GAS2: variants seen among roughly 807,000 people sequenced by gnomAD.
The protein encoded by GAS2 is growth arrest-specific protein 2.
A neutral mutation model predicts 37.5 loss-of-function variants in GAS2; 20 were observed. That is an observed-to-expected ratio of 0.53 (90% confidence interval 0.37 to 0.77). The LOEUF (loss-of-function observed/expected upper bound fraction) is 0.77, where lower values mean the gene tolerates loss of function less well. Ranked by LOEUF, GAS2 falls within the 30% of genes least tolerant of loss-of-function variation. The probability of loss-of-function intolerance (pLI) is 0.00; values close to 1 mark genes in which losing one functional copy is unlikely to be tolerated. For synonymous variants in GAS2, 144 were observed against 132.2 expected, an observed-to-expected ratio of 1.09 and a Z score of -0.61; for missense variants, 336 against 373.4, an observed-to-expected ratio of 0.90 and a Z score of 0.82.
At position 22,749,165 on chromosome 11, in the gene GAS2, T is replaced by C. The variant is rs531696534; in HGVS notation, c.519T>C (p.Ile173=). 22 of 1,612,646 alleles carry C rather than the reference T, an allele frequency of 1.4e-5. No individual in the cohort carries two copies. Among genetic ancestry groups the C allele is most frequent in the Non-Finnish European group, 1.4e-5 (17 of 1,179,212 alleles). Residue 173 remains isoleucine (I), a synonymous_variant, in exon 6 of 8, where the codon ATT becomes ATC. Coordinates refer to ENST00000454584, the MANE Select transcript of GAS2 (RefSeq NM_001143830.3). ...PPGLIKLEKE[I]EQEETLSAPS... ...GTTTGATAAAGCTGGAAAAAGAGAT[T>C]GAACAAGAAGAAACACTTTCTGCCC...
chr11:22,636,646 T>C (rs1396445669), intron 1 of GAS2, among the ~76,000 whole-genome samples: 1 of 152,128 alleles, frequency 6.6e-6, no homozygotes, highest in African/African-American at 2.4e-5. Context: ...AATATCCATA[T>C]GAATTAATGT....
chr11:22,667,887 A>G (rs180760043), intron 1 of GAS2, among the ~76,000 whole-genome samples: 22 of 152,282 alleles, frequency 1.4e-4, no homozygotes, highest in Admixed American at 1.3e-3. Flanking sequence ...ATCTTCTTAC[A>G]GTGAAGAGTT....
At chr11:22,634,794 G>C (rs1858799535) in intron 1 of GAS2, among the ~76,000 whole-genome samples, 1 of 152,164 alleles carries the variant, frequency 6.6e-6, no homozygotes, top group African/African-American at 2.4e-5. Flanking sequence ...TGGCAGGGGA[G>C]TGATGTAGAC....
chr11:22,774,331 T>C (rs1230502410), intron 7 of GAS2, among the ~76,000 whole-genome samples: 1 of 152,218 alleles, frequency 6.6e-6, no homozygotes, highest in Non-Finnish European at 1.5e-5. Flanking sequence ...TCCAAATTTA[T>C]TTATTCTGTT....
At chr11:22,733,973 G>A (rs9633816) in intron 4 of GAS2, among the ~76,000 whole-genome samples, 55,287 of 151,228 alleles carry the variant, frequency 0.37, 10,240 homozygotes, top group East Asian at 0.62. Context: ...GTCTCCTACT[G>A]TAAGTTTTAA....
chr11:22,726,456 T>C, intron 4 of GAS2, 23 bp downstream of exon 4: 1 of 1,594,796 alleles, frequency 6.3e-7, no homozygotes, highest in Non-Finnish European at 8.6e-7. Context: ...TTCAGAATTT[T>C]AGTTGATAAG....
At chr11:22,636,822 T>C (rs961356545) in intron 1 of GAS2, among the ~76,000 whole-genome samples, 2 of 149,582 alleles carry the variant, frequency 1.3e-5, no homozygotes, top group African/African-American at 2.4e-5. Flanking sequence ...TATAAAGATA[T>C]AGGTATATAT....
intron 3 of GAS2, among the ~76,000 whole-genome samples, chr11:22,688,693 A>G (rs1337039549): frequency 3.3e-5 from 5 of 152,308 alleles, no homozygotes; most frequent in African/African-American, 1.2e-4. Flanking sequence ...TAGTTCCGTG[A>G]ACCTGAGCAA....
chr11:22,709,571 G>T (rs1851294931), intron 3 of GAS2, among the ~76,000 whole-genome samples: 1 of 152,078 alleles, frequency 6.6e-6, no homozygotes, highest in Non-Finnish European at 1.5e-5. Context: ...GAAGTTAGCA[G>T]CAAAGTTCAA....
Position 22,755,942 on chromosome 11 carries a change from C to A in GAS2, c.712C>A (p.Leu238Ile), listed in dbSNP as rs1391344939. The A allele has an allele frequency of 6.2e-7, 1 of 1,607,686 alleles. No individual in the cohort carries two copies. The highest frequency in any genetic ancestry group is 2.2e-5 in the East Asian group (1 of 44,806). Reference protein sequence around the residue: ...QGRYRVGEKILFIRMLHNKHV... With the variant: ...QGRYRVGEKIIFIRMLHNKHV... ...AAGATACCGAGTGGGAGAAAAGATC[C>A]TCTTCATTAGGGTAAAGTTTTACTT... The change falls in exon 7 of 8, where the codon CTC becomes ATC. Residue 238 changes from leucine to isoleucine, a missense_variant. Physicochemically the swap from Leu to Ile is conservative, Grantham distance 5. Transcript: ENST00000454584.
intron 3 of GAS2, among the ~76,000 whole-genome samples, chr11:22,689,008 C>T (rs1178496961): frequency 6.6e-6 from 1 of 152,070 alleles, no homozygotes; most frequent in Non-Finnish European, 1.5e-5. Flanking sequence ...CAGCTGAAGG[C>T]CATTATCTTA....
chr11:22,749,883 G>A (rs1853637040), intron 6 of GAS2, among the ~76,000 whole-genome samples: 1 of 152,026 alleles, frequency 6.6e-6, no homozygotes, highest in Non-Finnish European at 1.5e-5. Context: ...ACCGTTTTTA[G>A]GTATAACAGC....
chr11:22,652,239 AG>A (rs1456249240), intron 1 of GAS2, among the ~76,000 whole-genome samples: 6 of 152,186 alleles, frequency 3.9e-5, no homozygotes, highest in Admixed American at 6.5e-5. Flanking sequence ...CTCGGGGGTC[AG>A]GGGGTCAGGG....
At chr11:22,648,676 C>G (rs1848733748) in intron 1 of GAS2, among the ~76,000 whole-genome samples, 1 of 152,130 alleles carries the variant, frequency 6.6e-6, no homozygotes, top group South Asian at 2.1e-4. Context: ...ATTTTATTCT[C>G]TTTGAAGCAA....
At chr11:22,711,926 T>C (rs957833318) in intron 3 of GAS2, among the ~76,000 whole-genome samples, 13 of 152,136 alleles carry the variant, frequency 8.5e-5, no homozygotes, top group African/African-American at 3.1e-4. Context: ...CCCACCTTGG[T>C]AACCAAAGAC....
intron 7 of GAS2, among the ~76,000 whole-genome samples, chr11:22,790,238 A>G (rs1457538727): frequency 6.6e-6 from 1 of 152,166 alleles, no homozygotes; most frequent in Admixed American, 6.5e-5. Flanking sequence ...CCCCTGGTGC[A>G]GTCAACCCTC....
chr11:22,708,154 CAATA>C (rs1275021522), intron 3 of GAS2, among the ~76,000 whole-genome samples: 1 of 152,026 alleles, frequency 6.6e-6, no homozygotes, highest in Non-Finnish European at 1.5e-5. Context: ...CAATTTGAGA[CAATA>C]TGATGATTAG....
intron 7 of GAS2, among the ~76,000 whole-genome samples, chr11:22,810,002 TA>T (rs1470130081): frequency 2.0e-5 from 3 of 152,202 alleles, no homozygotes; most frequent in Non-Finnish European, 4.4e-5. Flanking sequence ...AGATGTGTTC[TA>T]AGGTCCTTTT....
At chr11:22,718,792 G>A (rs746545686) in intron 3 of GAS2, among the ~76,000 whole-genome samples, 1 of 151,808 alleles carries the variant, frequency 6.6e-6, no homozygotes, top group Non-Finnish European at 1.5e-5. Context: ...TAGATTTTTG[G>A]AGGTTTTAAG....
Sources: allele counts gnomAD v4.1 joint callset (sites outside exome capture counted in the v4.1 genomes callset), GRCh38; gene constraint gnomAD v4.1.1; transcripts MANE v1.5; gene names NCBI Gene and HGNC (gene_info 2026-07-23, HGNC 2026-07-21).